The following PLEKHA8 variants were observed in gnomAD, a reference collection of about 807,000 sequenced individuals.
PLEKHA8 encodes pleckstrin homology domain-containing family A member 8.
Under a neutral mutation model 68.2 loss-of-function variants are expected in PLEKHA8, and 36 were observed. The observed-to-expected ratio is 0.53, with a 90% confidence interval of 0.40 to 0.70. PLEKHA8 has a LOEUF of 0.70. Among genes scored for constraint, PLEKHA8 ranks in the 30% least tolerant of loss-of-function variants. PLEKHA8 has a pLI of 0.00. For synonymous variants in PLEKHA8, 211 were observed against 216.1 expected (o/e 0.98, Z 0.20); for missense variants, 505 against 615.4 (o/e 0.82, Z 1.90).
At chr7:30,054,001 G>A (rs768846429) in intron 7 of PLEKHA8, among the ~76,000 whole-genome samples, 20 of 152,164 alleles carry the variant, frequency 1.3e-4, no homozygotes, top group South Asian at 2.1e-4. Context: ...ATGCTTGAAT[G>A]AGGCTTATCT....
intron 12 of PLEKHA8, among the ~76,000 whole-genome samples, chr7:30,072,514 C>G (rs955799208): frequency 5.3e-5 from 8 of 152,378 alleles, no homozygotes; most frequent in African/African-American, 1.9e-4. Context: ...TGGGTTGAAG[C>G]TGTAGCCACA....
Position 30,083,880 on chromosome 7 carries a change from C to G in PLEKHA8, c.*5093C>G, listed in dbSNP as rs1156926111. On this transcript the variant is annotated 3_prime_UTR_variant, in exon 14 of 14. Transcript: ENST00000449726. ...GATACCCCTTACAAAGTCGATCTTA[C>G]CCACACAGACTCCTGTGTATGCGTG... is the stretch of plus-strand genomic sequence containing the variant. 1 of 985,316 alleles carries G rather than the reference C, an allele frequency of 1.0e-6. No individual in the cohort carries two copies. The highest frequency in any genetic ancestry group is 1.2e-6 in the Non-Finnish European group (1 of 829,926). 61.0% of individuals were successfully genotyped at this position (985,316 alleles called of 1,614,324 possible).
chr7:30,028,716 G>A lies in PLEKHA8; in HGVS notation c.-47G>A. 9 of 1,225,844 alleles carry A rather than the reference G, an allele frequency of 7.3e-6. No homozygotes were observed. Among genetic ancestry groups the A allele is most frequent in the Non-Finnish European group, 8.3e-6 (8 of 969,388 alleles). The allele number at this position is 1,225,844 out of a possible 1,614,324, so 75.9% of individuals were successfully genotyped here. The stretch of plus-strand genomic sequence containing the variant: ...GGTGCTCCTCGCCTCTTGGGGCCTG[G>A]GGCAGTGAGGGGGCCGGCGGGCGTG... On this transcript the variant is annotated 5_prime_UTR_variant, in exon 1 of 14. Transcript: ENST00000449726.
chr7:30,097,906 C>T (rs965829688), intron 13 of PLEKHA8, among the ~76,000 whole-genome samples: 10 of 152,200 alleles, frequency 6.6e-5, no homozygotes, highest in Non-Finnish European at 1.5e-4. Context: ...GGCGCTCTGA[C>T]TTTTAGAGTT....
chr7:30,057,936 T>C (rs62446683), intron 9 of PLEKHA8, among the ~76,000 whole-genome samples: 23,542 of 152,240 alleles, frequency 0.15, 1,847 homozygotes, highest in Middle Eastern at 0.2. Flanking sequence ...TATGAGTATT[T>C]TAGTTGTTTG....
intron 1 of PLEKHA8, among the ~76,000 whole-genome samples, chr7:30,040,804 T>TCC (rs1162642310): frequency 6.6e-6 from 1 of 152,132 alleles, no homozygotes; most frequent in Non-Finnish European, 1.5e-5. Context: ...GCTAAAACTC[T>TCC]CCCCTGCTCA....
In PLEKHA8 at chr7:30,045,205, A is replaced by G. The variant is rs779442200; in HGVS notation, c.157+4A>G. On this transcript the variant is annotated splice_donor_region_variant and intron_variant, in intron 2 of 13. Transcript: ENST00000449726. ...ATGGCAGTCTGTGAAATTCAAGGTGAGAAATCAAGCAACTTGCAAGTTTTA... is the reference window on the plus strand; with the variant it reads ...ATGGCAGTCTGTGAAATTCAAGGTGGGAAATCAAGCAACTTGCAAGTTTTA... 14 of 1,580,382 alleles carry G rather than the reference A, an allele frequency of 8.9e-6. No individual in the cohort carries two copies. The highest frequency in any genetic ancestry group is 1.2e-5 in the Non-Finnish European group (14 of 1,160,300).
At position 30,084,022 on chromosome 7, in the gene PLEKHA8, A is replaced by G. The variant is rs1795074601; in HGVS notation, c.*5235A>G. 7.1e-6 allele frequency: 7 copies of G among 985,424 alleles called. No homozygotes were observed. The highest frequency in any genetic ancestry group is 7.0e-5 in the African/African-American group (4 of 57,346). The allele number at this position is 985,424 out of a possible 1,614,324, so 61.0% of individuals were successfully genotyped here. The stretch of plus-strand genomic sequence containing the variant: ...ATGGCATGTTTAATGTATAATTCCC[A>G]TGTATCATGAGAATTTCACTAGAAT... On this transcript the variant is annotated 3_prime_UTR_variant, in exon 14 of 14. Transcript: ENST00000449726.
intron 7 of PLEKHA8, 90 bp from the exon 8 acceptor site, chr7:30,054,615 GTATT>G: frequency 1.2e-6 from 1 of 825,428 alleles, no homozygotes; most frequent in Non-Finnish European, 1.7e-6. Flanking sequence ...TTATTTCTAT[GTATT>G]TTTCTGTGTT....
rs1795074021 is a variant in PLEKHA8 at position 30,084,016 on chromosome 7, A to T, written c.*5229A>T. On this transcript the variant is annotated 3_prime_UTR_variant, in exon 14 of 14. Transcript: ENST00000449726. ...AGTTCCATGGCATGTTTAATGTATAATTCCCATGTATCATGAGAATTTCAC... is the reference window on the plus strand; with the variant it reads ...AGTTCCATGGCATGTTTAATGTATATTTCCCATGTATCATGAGAATTTCAC... The T allele has an allele frequency of 1.0e-6, 1 of 985,408 alleles. No individual in the cohort carries two copies. Among genetic ancestry groups the T allele is most frequent in the South Asian group, 4.7e-5 (1 of 21,288 alleles). 61.0% of individuals were successfully genotyped at this position (985,408 alleles called of 1,614,324 possible).
intron 13 of PLEKHA8, among the ~76,000 whole-genome samples, chr7:30,097,692 A>G (rs1267265938): frequency 6.6e-6 from 1 of 151,764 alleles, no homozygotes; most frequent in Non-Finnish European, 1.5e-5. Context: ...TCCTTTAAGG[A>G]CTTCTCTGCA....
At position 30,028,707 on chromosome 7, in the gene PLEKHA8, TG is replaced by T; in HGVS notation, c.-52del. Reference sequence around the variant, plus strand: ...CCTGCTGCTGGTGCTCCTCGCCTCTTGGGGCCTGGGGCAGTGAGGGGGCCGG... The same window carrying T: ...CCTGCTGCTGGTGCTCCTCGCCTCTTGGGCCTGGGGCAGTGAGGGGGCCGG... On this transcript the variant is annotated 5_prime_UTR_variant, in exon 1 of 14. The change abolishes the stop of an existing upstream ORF in the 5' untranslated region. Transcript: ENST00000449726. 1 of 1,206,914 alleles carries T rather than the reference TG, an allele frequency of 8.3e-7. No homozygotes were observed. The highest frequency in any genetic ancestry group is 1.0e-6 in the Non-Finnish European group (1 of 953,654). 74.8% of individuals were successfully genotyped at this position (1,206,914 alleles called of 1,614,324 possible). A position where few individuals can be genotyped will look rare whatever the true frequency, so the allele number is the denominator to read the frequency against.
chr7:30,043,074 T>C (rs1204729519), intron 1 of PLEKHA8, among the ~76,000 whole-genome samples: 1 of 152,100 alleles, frequency 6.6e-6, no homozygotes, highest in African/African-American at 2.4e-5. Context: ...CAGTCATGGC[T>C]CACTGCAGCC....
downstream of PLEKHA8, among the ~76,000 whole-genome samples, chr7:30,086,440 CA>C (rs1795184398): frequency 1.3e-5 from 2 of 152,206 alleles, no homozygotes; most frequent in Non-Finnish European, 2.9e-5. Context: ...TTCTGTTCTT[CA>C]GCTGTACCCT....
rs1794980069 is a variant in PLEKHA8 at position 30,082,374 on chromosome 7, T to C, written c.*3587T>C. The C allele has an allele frequency of 2.0e-6, 2 of 985,364 alleles. No individual in the cohort carries two copies. The highest frequency in any genetic ancestry group is 1.7e-5 in the African/African-American group (1 of 57,324). The allele number at this position is 985,364 out of a possible 1,614,324, so 61.0% of individuals were successfully genotyped here. ...TTTCCCAGGAGCAGCTTCTAGCACA[T>C]ATGTAGAGTATCTGGCACCACCTTA... On this transcript the variant is annotated 3_prime_UTR_variant, in exon 14 of 14. Coordinates refer to ENST00000449726, the MANE Select transcript of PLEKHA8 (RefSeq NM_001197026.2).
intron 7 of PLEKHA8, 57 bp downstream of exon 7, chr7:30,052,923 A>G: frequency 7.2e-7 from 1 of 1,395,474 alleles, no homozygotes; most frequent in Non-Finnish European, 9.7e-7. Context: ...AAAATTTGGG[A>G]ATTTGATGAA....
At chr7:30,056,335 TAACATATATATAATATATATAACAC>T (rs1453869078) in intron 9 of PLEKHA8, among the ~76,000 whole-genome samples, 2,724 of 120,450 alleles carry the variant, frequency 0.023, 30 homozygotes, top group Middle Eastern at 0.045. Context: ...TATATATAAA[TAACATATATATAATATATATAACAC>T]ATATATATAT....
At chr7:30,039,704 GT>G (rs150167543) in intron 1 of PLEKHA8, among the ~76,000 whole-genome samples, 1 of 151,794 alleles carries the variant, frequency 6.6e-6, no homozygotes, top group African/African-American at 2.4e-5. Context: ...ATTCTAATAG[GT>G]TTTTTTTAGT....
At chr7:30,045,289 C>A in intron 2 of PLEKHA8, 88 bp downstream of exon 2, 1 of 935,840 alleles carries the variant, frequency 1.1e-6, no homozygotes, top group Non-Finnish European at 1.7e-6. Flanking sequence ...ATACCTTTCT[C>A]TGCTGCTCCC....
Sources: gnomAD v4.1 joint callset for allele counts (sites outside exome capture counted in the v4.1 genomes callset) on GRCh38, gnomAD v4.1.1 for gene constraint, MANE v1.5 for transcripts, NCBI Gene and HGNC (gene_info 2026-07-23, HGNC 2026-07-21) for gene names.